Variants in SZT2 observed in about 807,000 individuals in gnomAD.
SZT2 encodes the protein KICSTOR complex protein SZT2.
SZT2 carries 216 observed loss-of-function variants against 404.2 expected under a neutral mutation model. The ratio of observed to expected loss-of-function variants is 0.53; its 90% CI spans 0.48 to 0.60. The LOEUF is 0.60. Among genes scored for constraint, SZT2 ranks in the 20% least tolerant of loss-of-function variants. The probability of loss-of-function intolerance (pLI) is 0.00; values close to 1 mark genes in which losing one functional copy is unlikely to be tolerated. For missense variants in SZT2, 3,857 were observed against 4,459.2 expected (o/e 0.86, Z 3.85); for synonymous variants, 1,693 against 1,749.9 (o/e 0.97, Z 0.81).
chr1:43,446,941 T>C lies in SZT2; in HGVS notation c.9073-14T>C. ...GCCATACCTTAACCCTGTCTCCTGC[T>C]GCTGCCTCCCCAGCTGTCCATGCTG... On this transcript the variant is annotated splice_polypyrimidine_tract_variant and intron_variant, in intron 65 of 71. Transcript: ENST00000634258. 3 of 1,603,308 alleles carry C rather than the reference T, an allele frequency of 1.9e-6. No homozygotes were observed. The highest frequency in any genetic ancestry group is 2.6e-6 in the Non-Finnish European group (3 of 1,173,450).
At chr1:43,411,803 G>C (rs1651086141) in intron 4 of SZT2, among the ~76,000 whole-genome samples, 1 of 100,154 alleles carries the variant, frequency 1.0e-5, no homozygotes, top group African/African-American at 4.2e-5. Context: ...TTTTGAGACA[G>C]AGTCTCACTC....
chr1:43,415,839 A>G, intron 5 of SZT2, 121 bp from the exon 6 acceptor site: 2 of 1,146,524 alleles, frequency 1.7e-6, no homozygotes, highest in Non-Finnish European at 2.4e-6. Flanking sequence ...AGGGGAATTG[A>G]GGTTCTCACA....
chr1:43,424,575 C>G lies in SZT2; in HGVS notation c.2471+143C>G, dbSNP rs1338289798. 7.5e-6 allele frequency: 7 copies of G among 937,258 alleles called. No homozygotes were observed. Among genetic ancestry groups the G allele is most frequent in the Non-Finnish European group, 1.6e-6 (1 of 627,238 alleles). 58.1% of individuals were successfully genotyped at this position (937,258 alleles called of 1,614,324 possible). ...AGAGCAGCATCTGCTACTGCCCTCC[C>G]TGTCTCCTCCCATCACCCGATTTGT... is the stretch of plus-strand genomic sequence containing the variant. On this transcript the variant is annotated intron_variant, in intron 16 of 71. Coordinates refer to ENST00000634258, the MANE Select transcript of SZT2 (RefSeq NM_001365999.1). This position sits in a 1 kb window ranked among gnomAD's most constrained non-coding sequence, Gnocchi z 4.1.
rs1656463580 is a variant in SZT2, at chr1:43,451,799, A to G, written c.*1319A>G. 5 of 1,613,738 alleles carry G rather than the reference A, an allele frequency of 3.1e-6. No homozygotes were observed. The highest frequency in any genetic ancestry group is 1.1e-5 in the South Asian group (1 of 91,038). On this transcript the variant is annotated 3_prime_UTR_variant, in exon 72 of 72. Transcript: ENST00000634258. The stretch of plus-strand genomic sequence containing the variant: ...TGCGAAGTACCCCCTTCCACTTACC[A>G]TTTGTAATTGGAGGTTGGGTCTTCC...
At position 43,453,316 on chromosome 1, in the gene SZT2, C is replaced by T; in HGVS notation, c.*2836C>T. 1.0e-6 allele frequency: 1 copy of T among 997,522 alleles called. No homozygotes were observed. Among genetic ancestry groups the T allele is most frequent in the East Asian group, 2.7e-5 (1 of 37,450 alleles). The allele number at this position is 997,522 out of a possible 1,614,324, so 61.8% of individuals were successfully genotyped here. On this transcript the variant is annotated 3_prime_UTR_variant, in exon 72 of 72. Transcript: ENST00000634258. ...AGACTTCTGAGCGTCTCAGATCTGG[C>T]GTCCTCGACTCCCTGAACCTGCATC...
chr1:43,453,361 G>A lies in SZT2; in HGVS notation c.*2881G>A. 1 of 1,461,512 alleles carries A rather than the reference G, an allele frequency of 6.8e-7. No homozygotes were observed. Among genetic ancestry groups the A allele is most frequent in the South Asian group, 1.2e-5 (1 of 80,968 alleles). 90.5% of individuals were successfully genotyped at this position (1,461,512 alleles called of 1,614,324 possible). A position where few individuals can be genotyped will look rare whatever the true frequency, so the allele number is the denominator to read the frequency against. ...TGCATCAGGGTCATGGGTCACAGGG[G>A]TGGGGGTGGGGTGGAGCGGGGTACC... On this transcript the variant is annotated 3_prime_UTR_variant, in exon 72 of 72. Coordinates refer to ENST00000634258, the MANE Select transcript of SZT2 (RefSeq NM_001365999.1).
chr1:43,392,588 G>A (rs1015076668), intron 1 of SZT2, among the ~76,000 whole-genome samples: 10 of 152,072 alleles, frequency 6.6e-5, no homozygotes, highest in African/African-American at 2.4e-4. Flanking sequence ...CTAACTTTTT[G>A]TGTTTTTAGT....
In SZT2 at chr1:43,427,103, C is replaced by T; in HGVS notation, c.3357C>T (p.Pro1119=). 6.2e-7 allele frequency: 1 copy of T among 1,614,194 alleles called. No individual in the cohort carries two copies. The highest frequency in any genetic ancestry group is 8.5e-7 in the Non-Finnish European group (1 of 1,180,028). The change falls in exon 24 of 72, where the codon CCC becomes CCT. Residue 1119 remains proline, a synonymous_variant. Coordinates refer to ENST00000634258, the MANE Select transcript of SZT2 (RefSeq NM_001365999.1). ...ETLKPLISAQ[P]PQWRCYARLV... ...TCAAGCCTCTCATCTCTGCCCAGCC[C>T]CCTCAGTGGCGCTGCTATGCAAGGC...
Position 43,403,530 on chromosome 1 carries a change from T to C in SZT2, c.154-71T>C, listed in dbSNP as rs145230779. 1,973 of 1,544,448 alleles carry C rather than the reference T, an allele frequency of 1.3e-3. 13 individuals carry two copies. The highest frequency in any genetic ancestry group is 0.011 in the Middle Eastern group (51 of 4,818). On this transcript the variant is annotated intron_variant, in intron 2 of 71. Transcript: ENST00000634258. ...AGCCAATGATGTGTCATTTGGGATA[T>C]AGAAGGCAGGTCCTGGGAAGAAAGG... is the stretch of plus-strand genomic sequence containing the variant.
At position 43,442,644 on chromosome 1, in the gene SZT2, T is replaced by C. The variant is rs1424325281; in HGVS notation, c.8151+26T>C. The C allele has an allele frequency of 1.3e-6, 2 of 1,570,820 alleles. No individual in the cohort carries two copies. Among genetic ancestry groups the C allele is most frequent in the Non-Finnish European group, 1.7e-6 (2 of 1,157,962 alleles). The stretch of plus-strand genomic sequence containing the variant: ...GTGCCTGCTGCTCTGGTTCTTCCTA[T>C]AGTTTTGGCTACTGAGGGGTCAGTT... On this transcript the variant is annotated intron_variant, in intron 58 of 71. Transcript: ENST00000634258. This position sits in a 1 kb window ranked among gnomAD's most constrained non-coding sequence, Gnocchi z 4.5.
rs907038583 is a variant in SZT2 at position 43,453,656 on chromosome 1, C to G, written c.*3176C>G. The G allele has an allele frequency of 6.7e-7, 1 of 1,486,594 alleles. No homozygotes were observed. Among genetic ancestry groups the G allele is most frequent in the African/African-American group, 1.5e-5 (1 of 68,024 alleles). 92.1% of individuals were successfully genotyped at this position (1,486,594 alleles called of 1,614,324 possible). On this transcript the variant is annotated 3_prime_UTR_variant, in exon 72 of 72. Coordinates refer to ENST00000634258, the MANE Select transcript of SZT2 (RefSeq NM_001365999.1). ...CTTCTCGCGCGGCGCGCGCCAGCGCCTCAGGCGTCTCCGCGTACGGCCAGG... is the reference window on the plus strand; with the variant it reads ...CTTCTCGCGCGGCGCGCGCCAGCGCGTCAGGCGTCTCCGCGTACGGCCAGG...
Position 43,403,700 on chromosome 1 carries a change from A to T in SZT2, c.253A>T (p.Thr85Ser), listed in dbSNP as rs763499985. 4.0e-5 allele frequency: 65 copies of T among 1,613,892 alleles called. No homozygotes were observed. The highest frequency in any genetic ancestry group is 5.4e-5 in the Non-Finnish European group (64 of 1,180,022). The change falls in exon 3 of 72, where the codon ACC becomes TCC. Residue 85 changes from threonine to serine, a missense_variant. Physicochemically the swap from Thr to Ser is moderately conservative, Grantham distance 58. Transcript: ENST00000634258. ...AAGGCCATTCCTCCTGGTACCTTCC[A>T]CCCGGGTCACCTTCCTGGCTTGGCA... is the stretch of plus-strand genomic sequence containing the variant. ...VPRPFLLVPS[T>S]RVTFLAWQYR...
chr1:43,449,517 G>C (rs1187905849), intron 70 of SZT2: 1 of 164,158 alleles, frequency 6.1e-6, no homozygotes, highest in Non-Finnish European at 1.3e-5. Flanking sequence ...TGGTGGGAAG[G>C]CTGGAGCAGG....
chr1:43,450,267 T>C lies in SZT2; in HGVS notation c.10156-70T>C. 2 of 1,613,706 alleles carry C rather than the reference T, an allele frequency of 1.2e-6. No homozygotes were observed. Among genetic ancestry groups the C allele is most frequent in the Non-Finnish European group, 1.7e-6 (2 of 1,179,676 alleles). On this transcript the variant is annotated intron_variant, in intron 71 of 71. Transcript: ENST00000634258. The surrounding 1 kb of genome is among the most constrained non-coding windows in gnomAD (Gnocchi z 4.3). ...TGCTGAGGTTGGGGTGCCCACCCTT[T>C]CTGAGCCCTGCCTCCTATCCCCACC...
chr1:43,422,238 A>T lies in SZT2; in HGVS notation c.1769+13A>T, dbSNP rs910544111. 6.4e-7 allele frequency: 1 copy of T among 1,568,558 alleles called. No individual in the cohort carries two copies. Among genetic ancestry groups the T allele is most frequent in the African/African-American group, 1.3e-5 (1 of 74,562 alleles). ...TGGAGCATGACACGTGGGTGCCCTT[A>T]GGGCTGGGCCATAGTTGGGGTGGAG... On this transcript the variant is annotated intron_variant, in intron 12 of 71. Coordinates refer to ENST00000634258, the MANE Select transcript of SZT2 (RefSeq NM_001365999.1).
Position 43,441,879 on chromosome 1 carries a change from A to G in SZT2, c.7742+61A>G. 6.2e-6 allele frequency: 10 copies of G among 1,602,148 alleles called. No individual in the cohort carries two copies. The South Asian group carries it at 1.1e-4, about 18-fold the overall frequency. On this transcript the variant is annotated intron_variant, in intron 55 of 71. Transcript: ENST00000634258. This position sits in a 1 kb window ranked among gnomAD's most constrained non-coding sequence, Gnocchi z 4.8. The stretch of plus-strand genomic sequence containing the variant: ...CCTAGACTTCCTAAAAGCTGGGCCT[A>G]CAGGAAGCCAAACCTGAGGAAGCTG...
At position 43,448,098 on chromosome 1, in the gene SZT2, C is replaced by A; in HGVS notation, c.9583C>A (p.Leu3195Ile). Residue 3195 changes from leucine to isoleucine, a missense_variant, in exon 69 of 72, where the codon CTC becomes ATC. Physicochemically the swap from Leu to Ile is conservative, Grantham distance 5. This residue lies in a region of SZT2 where 717 missense variants were observed against 868.2 expected (regional missense o/e 0.83). Transcript: ENST00000634258. The surrounding 1 kb of genome is among the most constrained non-coding windows in gnomAD (Gnocchi z 4.2). ...CCCCAGGCTACAGTTCTTCGTGGTGCTCACCAGCCAGCGAGAGCTCTTCCC... is the reference window on the plus strand; with the variant it reads ...CCCCAGGCTACAGTTCTTCGTGGTGATCACCAGCCAGCGAGAGCTCTTCCC... The part of the protein sequence containing the change: ...HVLRLQFFVV[L>I]TSQRELFPRL... 6.3e-7 allele frequency: 1 copy of A among 1,596,924 alleles called. No homozygotes were observed.
intron 11 of SZT2, among the ~76,000 whole-genome samples, chr1:43,421,586 G>T (rs1214119670): frequency 6.6e-6 from 1 of 152,216 alleles, no homozygotes. Flanking sequence ...GTGAGCCCTT[G>T]CCCCATCTCC....
In SZT2 at chr1:43,451,413, G is replaced by A. The variant is rs777421985; in HGVS notation, c.*933G>A. Reference sequence around the variant, plus strand: ...CTTCCCCAGGGCCACGCCTCACCTCGAGGCTGATACTCACAGCCCACGAAG... The same window carrying A: ...CTTCCCCAGGGCCACGCCTCACCTCAAGGCTGATACTCACAGCCCACGAAG... On this transcript the variant is annotated 3_prime_UTR_variant, in exon 72 of 72. Coordinates refer to ENST00000634258, the MANE Select transcript of SZT2 (RefSeq NM_001365999.1). 26 of 1,612,436 alleles carry A rather than the reference G, an allele frequency of 1.6e-5. No homozygotes were observed. The highest frequency in any genetic ancestry group is 4.5e-5 in the East Asian group (2 of 44,722).
Sources: gnomAD v4.1 joint callset for allele counts (sites outside exome capture counted in the v4.1 genomes callset) on GRCh38, gnomAD v4.1.1 for gene constraint, gnomAD v4.1.1 regional missense constraint, Gnocchi (gnomAD v3.1) non-coding constraint, MANE v1.5 for transcripts, NCBI Gene and HGNC (gene_info 2026-07-23, HGNC 2026-07-21) for gene names.